Variants in CDH8 observed in about 807,000 individuals in gnomAD.
The protein encoded by CDH8 is cadherin-8.
A neutral mutation model predicts 68.1 loss-of-function variants in CDH8; 17 were observed. The ratio of observed to expected loss-of-function variants is 0.25; its 90% confidence interval spans 0.17 to 0.37. The LOEUF (loss-of-function observed/expected upper bound fraction) is 0.37. CDH8 is among the 10% of genes least tolerant of loss of function. CDH8 has a pLI of 1.00. For synonymous variants in CDH8, 372 were observed against 365.1 expected, an observed-to-expected ratio of 1.02 and a Z score of -0.21; for missense variants, 763 against 999.3, an observed-to-expected ratio of 0.76 and a Z score of 3.19.
At chr16:61,800,747 C>A (rs937593748) in intron 7 of CDH8, among the ~76,000 whole-genome samples, 3 of 152,284 alleles carry the variant, frequency 2.0e-5, no homozygotes, top group South Asian at 4.1e-4. Context: ...AGAAGCTCTC[C>A]ATTTCCACCG....
At chr16:61,675,702 C>A (rs529287789) in intron 10 of CDH8, among the ~76,000 whole-genome samples, 1 of 150,668 alleles carries the variant, frequency 6.6e-6, no homozygotes, top group African/African-American at 2.4e-5. Context: ...TAAAATAACT[C>A]AATTATGACT....
chr16:61,652,551 A>G lies in CDH8; in HGVS notation c.*1057T>C. ...GTTACAATAACACTTTCTACTCTAA[A>G]GAGACTATTAGCTCTCCTTTCGATA... On this transcript the variant is annotated 3_prime_UTR_variant, in exon 12 of 12. Coordinates refer to ENST00000577390, the MANE Select transcript of CDH8 (RefSeq NM_001796.5). The G allele has an allele frequency of 1.9e-6, 2 of 1,046,708 alleles. No individual in the cohort carries two copies. Among genetic ancestry groups the G allele is most frequent in the Non-Finnish European group, 2.3e-6 (2 of 869,960 alleles). The allele number at this position is 1,046,708 out of a possible 1,614,324, so 64.8% of individuals were successfully genotyped here.
chr16:61,687,674 C>T (rs1964136155), intron 10 of CDH8, among the ~76,000 whole-genome samples: 1 of 151,996 alleles, frequency 6.6e-6, no homozygotes, highest in Non-Finnish European at 1.5e-5. Flanking sequence ...TTTAATTGTG[C>T]TTTCTGGAGT....
intron 6 of CDH8, among the ~76,000 whole-genome samples, chr16:61,819,363 T>C (rs530103967): frequency 6.6e-6 from 1 of 152,172 alleles, no homozygotes; most frequent in South Asian, 2.1e-4. Context: ...ATTGTTTCAG[T>C]TTATAACAGC....
At chr16:61,851,983 C>A (rs760962439) in intron 4 of CDH8, among the ~76,000 whole-genome samples, 1 of 152,078 alleles carries the variant, frequency 6.6e-6, no homozygotes, top group Non-Finnish European at 1.5e-5. Flanking sequence ...ACACCTTGGG[C>A]AAGAAACATG....
chr16:61,985,659 A>G (rs1217280512), intron 2 of CDH8, among the ~76,000 whole-genome samples: 2 of 151,820 alleles, frequency 1.3e-5, no homozygotes, highest in Admixed American at 6.6e-5. Context: ...TGCCCAGCTA[A>G]TTTTGTATTT....
At position 61,648,975 on chromosome 16, in the gene CDH8, A is replaced by G. The variant is rs183413894; in HGVS notation, c.*4633T>C. On this transcript the variant is annotated 3_prime_UTR_variant, in exon 12 of 12. Transcript: ENST00000577390. ...ATAGATCATAAAGACATGCTCTTCTACAATTATCATAAGAAGCAATAATTA... is the reference window on the plus strand; with the variant it reads ...ATAGATCATAAAGACATGCTCTTCTGCAATTATCATAAGAAGCAATAATTA... 1 of 152,156 alleles carries G rather than the reference A, an allele frequency of 6.6e-6. No homozygotes were observed. The highest frequency in any genetic ancestry group is 1.9e-4 in the East Asian group (1 of 5,176). The allele number at this position is 152,156 out of a possible 1,614,324, so 9.4% of individuals were successfully genotyped here. A position where few individuals can be genotyped will look rare whatever the true frequency, so the allele number is the denominator to read the frequency against.
chr16:61,915,633 C>G (rs1262959245), intron 2 of CDH8, among the ~76,000 whole-genome samples: 2 of 152,134 alleles, frequency 1.3e-5, no homozygotes, highest in African/African-American at 2.4e-5. Flanking sequence ...TTTAAAGATA[C>G]ATTTTATATA....
chr16:61,991,328 C>T (rs1196620071), intron 2 of CDH8, among the ~76,000 whole-genome samples: 4 of 152,158 alleles, frequency 2.6e-5, no homozygotes, highest in African/African-American at 9.7e-5. Context: ...ACAGATTTTC[C>T]TTTTTGTGAA....
At chr16:61,768,379 T>C (rs193055621) in intron 8 of CDH8, among the ~76,000 whole-genome samples, 7 of 100,818 alleles carry the variant, frequency 6.9e-5, no homozygotes, top group African/African-American at 1.4e-4. Flanking sequence ...CCTTTCTCTC[T>C]CTCTCTCTCT....
chr16:61,978,034 T>A (rs1965469357), intron 2 of CDH8, among the ~76,000 whole-genome samples: 1 of 152,150 alleles, frequency 6.6e-6, no homozygotes, highest in Admixed American at 6.5e-5. Context: ...CTTTTTTTCA[T>A]CTACATTCAT....
intron 7 of CDH8, among the ~76,000 whole-genome samples, chr16:61,798,023 CA>C (rs1356600637): frequency 6.7e-6 from 1 of 149,986 alleles, no homozygotes; most frequent in African/African-American, 2.4e-5. Context: ...AACACTGGAA[CA>C]AAAAAAAAGA....
At chr16:62,021,047 G>T in intron 2 of CDH8, 105 bp downstream of exon 2, 1 of 1,002,658 alleles carries the variant, frequency 1.0e-6, no homozygotes, top group South Asian at 1.6e-5. Flanking sequence ...CATCTGGCTT[G>T]AACAATTTAC....
At chr16:61,727,637 A>G (rs552623020) in intron 8 of CDH8, among the ~76,000 whole-genome samples, 1 of 151,152 alleles carries the variant, frequency 6.6e-6, no homozygotes, top group South Asian at 2.1e-4. Context: ...AACACTTAAA[A>G]CCTAGCAAAA....
chr16:61,977,016 C>T (rs147823940), intron 2 of CDH8, among the ~76,000 whole-genome samples: 4 of 152,198 alleles, frequency 2.6e-5, no homozygotes, highest in Admixed American at 2.6e-4. Context: ...TCCTGAACTG[C>T]ATAATATAAG....
intron 7 of CDH8, among the ~76,000 whole-genome samples, chr16:61,792,222 A>G (rs986894931): frequency 6.6e-6 from 1 of 151,966 alleles, no homozygotes. Flanking sequence ...TTATGGGGTG[A>G]GTCATAGGAA....
rs1487383172 is a variant in CDH8, at chr16:61,660,975, A to T, written c.1655-5254T>A. On this transcript the variant is annotated intron_variant, in intron 10 of 11. Coordinates refer to ENST00000577390, the MANE Select transcript of CDH8 (RefSeq NM_001796.5). ...TGACCCCAGATGGTGACTCAAATCC[A>T]CATTAAAAATAAAAAGAGTATCAGA... Among the ~76,000 whole-genome samples, 4 of 152,216 alleles carry T rather than the reference A, an allele frequency of 2.6e-5. No individual in the cohort carries two copies. In the East Asian group the frequency reaches 7.7e-4, roughly 29 times the overall value.
intron 2 of CDH8, among the ~76,000 whole-genome samples, chr16:61,917,954 G>A (rs897787180): frequency 4.2e-5 from 6 of 143,266 alleles, no homozygotes; most frequent in Non-Finnish European, 7.5e-5. Flanking sequence ...CAACCAGGAG[G>A]TCAAAGTTAT....
Position 61,960,223 on chromosome 16 carries a change from ATACACACATATATACATG to A in CDH8, c.253-58768_253-58751del, listed in dbSNP as rs1567546136. Among the ~76,000 whole-genome samples, 16 of 80,252 alleles carry A rather than the reference ATACACACATATATACATG, an allele frequency of 2.0e-4. 3 individuals are homozygous for A. The highest frequency in any genetic ancestry group is 7.4e-4 in the African/African-American group (9 of 12,168). 52.6% of individuals were successfully genotyped at this position (80,252 alleles called of 152,430 possible). A position where few individuals can be genotyped will look rare whatever the true frequency, so the allele number is the denominator to read the frequency against. On this transcript the variant is annotated intron_variant, in intron 2 of 11. Transcript: ENST00000577390. Reference sequence around the variant, plus strand: ...CATACATATATACATGTGTGTGTGTATACACACATATATACATGTGTGTGTGTATACACATACATATAT... The same window carrying A: ...CATACATATATACATGTGTGTGTGTATGTGTGTGTATACACATACATATAT...
Sources: gnomAD v4.1 joint callset for allele counts (sites outside exome capture counted in the v4.1 genomes callset) on GRCh38, gnomAD v4.1.1 for gene constraint, MANE v1.5 for transcripts, NCBI Gene and HGNC (gene_info 2026-07-23, HGNC 2026-07-21) for gene names.